Variants in COXFA4 observed in about 807,000 individuals in gnomAD.
COXFA4 encodes cytochrome c oxidase subunit FA4.
At chr7:10,939,088 G>C in the COXFA4 span, 2 of 519,528 alleles carry the variant, frequency 3.8e-6, no homozygotes, top group South Asian at 4.3e-5. Flanking sequence ...AGAAAGAAAT[G>C]GAATTTGGAA....
the COXFA4 span, among the ~76,000 whole-genome samples, chr7:10,936,046 A>C: frequency 1.3e-5 from 2 of 152,162 alleles, no homozygotes; most frequent in Non-Finnish European, 2.9e-5. Context: ...TCACAAATCA[A>C]ATCTGATGTC....
At chr7:10,939,978 G>T in the COXFA4 span, 1 of 1,612,570 alleles carries the variant, frequency 6.2e-7, no homozygotes, top group Non-Finnish European at 8.5e-7. Context: ...ACGCAAGAAG[G>T]ACAAGGGAAA....
the COXFA4 span, chr7:10,939,010 G>T: frequency 1.3e-6 from 1 of 782,590 alleles, no homozygotes; most frequent in Non-Finnish European, 2.2e-6. Context: ...TTATTGGACT[G>T]TTTTGTCTTA....
At chr7:10,936,452 GT>G in the COXFA4 span, among the ~76,000 whole-genome samples, 1 of 152,116 alleles carries the variant, frequency 6.6e-6, no homozygotes, top group African/African-American at 2.4e-5. Flanking sequence ...AAGCCTGCTA[GT>G]TTTTTTGTTT....
the COXFA4 span, among the ~76,000 whole-genome samples, chr7:10,933,968 T>C: frequency 6.6e-6 from 1 of 152,194 alleles, no homozygotes; most frequent in South Asian, 2.1e-4. Flanking sequence ...AAAATTCTTT[T>C]ATTTCAAAGT....
At chr7:10,933,586 G>T in the COXFA4 span, 2 of 1,454,348 alleles carry the variant, frequency 1.4e-6, no homozygotes, top group Non-Finnish European at 1.9e-6. Context: ...TGCGGATGTG[G>T]CTTCTGGAAG....
the COXFA4 span, chr7:10,933,764 T>C: frequency 1.8e-5 from 21 of 1,147,574 alleles, no homozygotes; most frequent in Non-Finnish European, 2.4e-5. Flanking sequence ...TTAGAATTCT[T>C]TGTATTTGGT....
the COXFA4 span, among the ~76,000 whole-genome samples, chr7:10,937,701 T>C: frequency 5.3e-5 from 8 of 152,218 alleles, no homozygotes; most frequent in African/African-American, 1.9e-4. Flanking sequence ...TCTAGAAGAG[T>C]AGTTCCACAG....
chr7:10,932,945 G>A, the COXFA4 span: 2 of 151,456 alleles, frequency 1.3e-5, no homozygotes, highest in Non-Finnish European at 2.9e-5. Flanking sequence ...ACTCCAGCCT[G>A]GGTGACAGAG....
At chr7:10,936,783 T>C in the COXFA4 span, among the ~76,000 whole-genome samples, 6 of 152,272 alleles carry the variant, frequency 3.9e-5, no homozygotes, top group South Asian at 2.1e-4. Context: ...ACGTCTGTAA[T>C]ACCAGCACTG....
chr7:10,935,188 T>C, the COXFA4 span, among the ~76,000 whole-genome samples: 1 of 152,214 alleles, frequency 6.6e-6, no homozygotes. Context: ...TGTTGCCAAT[T>C]TTCTTAAAAC....
the COXFA4 span, chr7:10,932,405 T>G: frequency 6.6e-6 from 1 of 152,248 alleles, no homozygotes. Flanking sequence ...ACCATTTGAC[T>G]AACAGAATGA....
At chr7:10,937,540 C>G in the COXFA4 span, among the ~76,000 whole-genome samples, 1 of 152,164 alleles carries the variant, frequency 6.6e-6, no homozygotes, top group Non-Finnish European at 1.5e-5. Flanking sequence ...GCCTCAGCCT[C>G]CCAAAGTGCT....
At chr7:10,936,280 T>C in the COXFA4 span, among the ~76,000 whole-genome samples, 2 of 152,266 alleles carry the variant, frequency 1.3e-5, no homozygotes, top group African/African-American at 4.8e-5. Flanking sequence ...ACAGCTATGT[T>C]GTTACAGCAA....
At chr7:10,939,938 T>C in the COXFA4 span, 1 of 1,526,200 alleles carries the variant, frequency 6.6e-7, no homozygotes, top group South Asian at 1.1e-5. Flanking sequence ...AATGAGGACG[T>C]TCCCAGGGAA....
the COXFA4 span, among the ~76,000 whole-genome samples, chr7:10,937,698 G>C: frequency 1.3e-5 from 2 of 152,162 alleles, no homozygotes; most frequent in African/African-American, 2.4e-5. Flanking sequence ...TTCTCTAGAA[G>C]AGTAGTTCCA....
At chr7:10,938,029 C>T in the COXFA4 span, 1 of 1,429,420 alleles carries the variant, frequency 7.0e-7, no homozygotes, top group Non-Finnish European at 9.9e-7. Flanking sequence ...GAAAACCCAC[C>T]CCATGACAAA....
chr7:10,935,899 T>C, the COXFA4 span, among the ~76,000 whole-genome samples: 1 of 152,206 alleles, frequency 6.6e-6, no homozygotes, highest in African/African-American at 2.4e-5. Context: ...ATTTGTTTCA[T>C]TCCAATTCTA....
At chr7:10,937,205 T>G in the COXFA4 span, among the ~76,000 whole-genome samples, 7 of 152,140 alleles carry the variant, frequency 4.6e-5, no homozygotes. Context: ...GAAAGTGCAT[T>G]GAGTGAGTTA....
Sources: gnomAD v4.1 joint callset for allele counts (sites outside exome capture counted in the v4.1 genomes callset) on GRCh38, gnomAD v4.1.1 for gene constraint, MANE v1.5 for transcripts, NCBI Gene and HGNC (gene_info 2026-07-23, HGNC 2026-07-21) for gene names.